The following NRXN3 variants were observed in gnomAD, a reference collection of about 807,000 sequenced individuals.
The protein encoded by NRXN3 is neurexin III.
NRXN3 carries 32 observed loss-of-function variants against 137.6 expected under a neutral mutation model. The observed-to-expected ratio is 0.23, with a 90% CI of 0.18 to 0.31. NRXN3 has a LOEUF of 0.31. Ranked by LOEUF, NRXN3 falls within the 10% of genes least tolerant of loss-of-function variation. NRXN3 has a pLI of 1.00. For missense variants in NRXN3, 1,574 were observed against 2,062.5 expected (o/e 0.76, Z 4.59); for synonymous variants, 798 against 784.5 (o/e 1.02, Z -0.29).
intron 1 of NRXN3, among the ~76,000 whole-genome samples, chr14:78,175,612 G>A (rs1338872529): frequency 2.6e-5 from 4 of 152,190 alleles, no homozygotes; most frequent in Admixed American, 6.5e-5. Flanking sequence ...TTGAGGGCCA[G>A]CTCTGTTGCT....
At chr14:78,298,196 A>C (rs901083596) in intron 4 of NRXN3, among the ~76,000 whole-genome samples, 10 of 152,194 alleles carry the variant, frequency 6.6e-5, no homozygotes, top group African/African-American at 1.4e-4. Flanking sequence ...TTTCAGAGCA[A>C]CCAAGCGGTT....
chr14:79,338,359 G>T (rs1288348146), intron 15 of NRXN3, among the ~76,000 whole-genome samples: 14 of 151,928 alleles, frequency 9.2e-5, no homozygotes, highest in Non-Finnish European at 2.1e-4. Context: ...GGTAGTTACG[G>T]CAGCCTTCAG....
At chr14:78,969,814 AGTGTGTGTGTGTGTGTGTGTGTGT>A (rs376306137) in intron 14 of NRXN3, among the ~76,000 whole-genome samples, 1 of 141,408 alleles carries the variant, frequency 7.1e-6, no homozygotes, top group Non-Finnish European at 1.5e-5. Flanking sequence ...TGTACTATGT[AGTGTGTGTGTGTGTGTGTGTGTGT>A]GTGTGTGTGT....
intron 16 of NRXN3, among the ~76,000 whole-genome samples, chr14:79,553,371 G>A (rs760432508): frequency 1.3e-5 from 2 of 152,094 alleles, no homozygotes; most frequent in African/African-American, 2.4e-5. Context: ...GGTTCAGGAA[G>A]GTTGAATAAT....
intron 15 of NRXN3, among the ~76,000 whole-genome samples, chr14:79,081,674 C>G (rs1015411682): frequency 2.7e-5 from 4 of 149,416 alleles, no homozygotes; most frequent in South Asian, 2.1e-4. Flanking sequence ...ATGAAGGAGA[C>G]AGATGTCAAA....
chr14:78,428,475 C>T (rs753777838), intron 4 of NRXN3, among the ~76,000 whole-genome samples: 17 of 152,166 alleles, frequency 1.1e-4, no homozygotes, highest in South Asian at 2.1e-4. Context: ...CAGGGTTCTT[C>T]GGAGAAACAG....
At chr14:78,493,247 C>T (rs907710203) in intron 4 of NRXN3, among the ~76,000 whole-genome samples, 1 of 151,216 alleles carries the variant, frequency 6.6e-6, no homozygotes, top group Non-Finnish European at 1.5e-5. Context: ...AGGGGTCAGG[C>T]ATTGTGGCTC....
intron 16 of NRXN3, among the ~76,000 whole-genome samples, chr14:79,651,956 C>T (rs1253346863): frequency 6.6e-6 from 1 of 152,134 alleles, no homozygotes; most frequent in Non-Finnish European, 1.5e-5. Flanking sequence ...ATAATAGATT[C>T]ATATTCCTGA....
chr14:79,852,945 GA>G (rs966495269), intron 20 of NRXN3, among the ~76,000 whole-genome samples: 16 of 151,760 alleles, frequency 1.1e-4, no homozygotes, highest in African/African-American at 3.4e-4. Flanking sequence ...AAAATTATGA[GA>G]AAAAAAGTTA....
intron 15 of NRXN3, among the ~76,000 whole-genome samples, chr14:79,347,429 T>G (rs1301982884): frequency 6.6e-6 from 1 of 151,276 alleles, no homozygotes; most frequent in Non-Finnish European, 1.5e-5. Context: ...CGTTTTCCTT[T>G]TTTTTTTTTT....
At chr14:78,347,007 C>T (rs185745246) in intron 4 of NRXN3, among the ~76,000 whole-genome samples, 25 of 152,248 alleles carry the variant, frequency 1.6e-4, no homozygotes, top group African/African-American at 5.5e-4. Flanking sequence ...ATAGAGGGTG[C>T]ACATTACAGG....
chr14:79,393,044 A>G (rs1188563803), intron 15 of NRXN3, among the ~76,000 whole-genome samples: 2 of 150,832 alleles, frequency 1.3e-5, no homozygotes, highest in Non-Finnish European at 2.9e-5. Context: ...GAACGCTTTT[A>G]TACTGTTGGT....
At chr14:79,015,194 G>A (rs2099577293) in intron 15 of NRXN3, among the ~76,000 whole-genome samples, 4 of 150,452 alleles carry the variant, frequency 2.7e-5, no homozygotes, top group Admixed American at 2.6e-4. Flanking sequence ...TGCACCAACT[G>A]CCAAAGACAC....
intron 16 of NRXN3, among the ~76,000 whole-genome samples, chr14:79,467,768 C>T (rs988147915): frequency 5.3e-5 from 8 of 152,132 alleles, no homozygotes; most frequent in African/African-American, 1.9e-4. Context: ...TAACAATCTC[C>T]TAGGCTGGGA....
In NRXN3 at chr14:79,574,102, G is replaced by A. The variant is rs568562342; in HGVS notation, c.3445-89676G>A. On this transcript the variant is annotated intron_variant, in intron 16 of 20. Transcript: ENST00000335750. ...GTAGAATTAGTAAAGACCTAAAGGA[G>A]TATAACCGAATAAACACAAAGTAGA... Among the ~76,000 whole-genome samples the A allele has an allele frequency of 5.9e-5, 9 of 152,058 alleles. No individual in the cohort carries two copies. The South Asian group carries it at 1.7e-3, about 28-fold the overall frequency.
At chr14:79,132,286 T>G (rs970722535) in intron 15 of NRXN3, among the ~76,000 whole-genome samples, 2 of 152,232 alleles carry the variant, frequency 1.3e-5, no homozygotes, top group Non-Finnish European at 2.9e-5. Context: ...GATATATGAA[T>G]TACTTTTTCA....
At chr14:78,891,030 A>G (rs548951082) in intron 10 of NRXN3, among the ~76,000 whole-genome samples, 12 of 152,146 alleles carry the variant, frequency 7.9e-5, no homozygotes, top group African/African-American at 2.6e-4. Flanking sequence ...AAAGTTTACA[A>G]TATTAACAGT....
At chr14:78,861,832 G>T (rs1159937186) in intron 10 of NRXN3, among the ~76,000 whole-genome samples, 1 of 152,048 alleles carries the variant, frequency 6.6e-6, no homozygotes, top group Admixed American at 6.6e-5. Context: ...TCTCACTCAG[G>T]CTTTCTAGTA....
intron 15 of NRXN3, among the ~76,000 whole-genome samples, chr14:79,008,117 G>C (rs540087846): frequency 1.3e-5 from 2 of 152,156 alleles, no homozygotes; most frequent in South Asian, 2.1e-4. Flanking sequence ...CGGTATTTTG[G>C]GGGGGCTTAA....
Sources: gnomAD v4.1 joint callset for allele counts (sites outside exome capture counted in the v4.1 genomes callset) on GRCh38, gnomAD v4.1.1 for gene constraint, MANE v1.5 for transcripts, NCBI Gene and HGNC (gene_info 2026-07-23, HGNC 2026-07-21) for gene names.